RIPOR2: variants seen among roughly 807,000 people sequenced by gnomAD.
RIPOR2 encodes RHO family interacting cell polarization regulator 2.
RIPOR2 carries 39 observed loss-of-function variants against 114.5 expected under a neutral mutation model. That is an observed-to-expected ratio of 0.34 (90% CI 0.26 to 0.44). RIPOR2 has a LOEUF of 0.44. Ranked by LOEUF, RIPOR2 falls within the 20% of genes least tolerant of loss-of-function variation. RIPOR2 has a pLI of 1.00. For synonymous variants in RIPOR2, 445 were observed against 484.4 expected (o/e 0.92, Z 1.07); for missense variants, 1,007 against 1,255.1 (o/e 0.80, Z 2.99).
intron 1 of RIPOR2, chr6:24,877,138 C>T: frequency 1.0e-6 from 1 of 985,444 alleles, no homozygotes; most frequent in Non-Finnish European, 1.2e-6. Flanking sequence ...AGCAGCAGAA[C>T]TCTCTGGTAG....
chr6:24,842,768 ATT>A, intron 13 of RIPOR2, 92 bp downstream of exon 13: 4 of 611,114 alleles, frequency 6.5e-6, no homozygotes, highest in South Asian at 5.9e-5. Flanking sequence ...ATTGGACAGG[ATT>A]TTTTTTTTAA....
chr6:24,994,227 A>G (rs557578674), intron 1 of RIPOR2, among the ~76,000 whole-genome samples: 5 of 152,256 alleles, frequency 3.3e-5, no homozygotes, highest in African/African-American at 1.2e-4. Flanking sequence ...AGATACATCA[A>G]GCAAAAAGGT....
intron 1 of RIPOR2, among the ~76,000 whole-genome samples, chr6:24,911,556 T>C (rs1277661564): frequency 6.6e-6 from 1 of 152,146 alleles, no homozygotes; most frequent in Non-Finnish European, 1.5e-5. Context: ...AGGGCTGCTT[T>C]GTAGGGCACT....
intron 1 of RIPOR2, among the ~76,000 whole-genome samples, chr6:24,925,908 C>T (rs1770830886): frequency 1.3e-5 from 2 of 152,134 alleles, no homozygotes; most frequent in South Asian, 4.1e-4. Context: ...AGCAACTGAG[C>T]TAATGTTTGT....
chr6:24,935,361 A>T (rs1323187297), intron 1 of RIPOR2, among the ~76,000 whole-genome samples: 1 of 135,486 alleles, frequency 7.4e-6, no homozygotes, highest in Non-Finnish European at 1.7e-5. Flanking sequence ...CGAGAGAAAG[A>T]TAGACAGAGA....
At chr6:24,961,293 G>A (rs1232307767) in intron 1 of RIPOR2, among the ~76,000 whole-genome samples, 1 of 152,224 alleles carries the variant, frequency 6.6e-6, no homozygotes, top group Non-Finnish European at 1.5e-5. Context: ...ACTTGTTGGA[G>A]AAGGGAGTAT....
At chr6:24,825,117 A>G (rs1345375450) in intron 19 of RIPOR2, 109 bp downstream of exon 19, 3 of 799,592 alleles carry the variant, frequency 3.8e-6, no homozygotes, top group Non-Finnish European at 5.8e-6. Context: ...ACACATTATT[A>G]ATACGCAGAA....
At chr6:24,818,398 T>C in intron 20 of RIPOR2, 144 bp downstream of exon 20, 1 of 475,448 alleles carries the variant, frequency 2.1e-6, no homozygotes, top group Middle Eastern at 5.7e-4. Flanking sequence ...GGGAGAAAAA[T>C]ACTAAAACTA....
chr6:24,950,693 C>T (rs1010943638), intron 1 of RIPOR2, among the ~76,000 whole-genome samples: 14 of 152,182 alleles, frequency 9.2e-5, no homozygotes, highest in African/African-American at 3.1e-4. Flanking sequence ...CCTGTGGAAA[C>T]CTATGCCAGA....
intron 10 of RIPOR2, 141 bp from the exon 11 acceptor site, chr6:24,850,091 CTTTTTCTT>C (rs1223034447): frequency 1.3e-5 from 7 of 528,130 alleles, no homozygotes; most frequent in Admixed American, 1.3e-4. Context: ...TTTCATTTTT[CTTTTTCTT>C]TTTTTTTTTT....
rs564712259 is a variant in RIPOR2, at chr6:24,883,274, G to A, written c.62-7457C>T. ...TCTCGCCAAGGCATTTCTCATGGGG[G>A]CCAAACGTCAACTTGGAAACCAATA... On this transcript the variant is annotated intron_variant, in intron 1 of 21. Transcript: ENST00000643898. The surrounding 1 kb of genome is among the most constrained non-coding windows in gnomAD (Gnocchi z 4.1). 2.0e-5 allele frequency among the ~76,000 whole-genome samples: 3 copies of A among 152,250 alleles called. No homozygotes were observed. In the East Asian group the frequency reaches 5.8e-4, roughly 29 times the overall value.
chr6:24,971,508 T>C (rs1419810621), intron 1 of RIPOR2, among the ~76,000 whole-genome samples: 1 of 152,254 alleles, frequency 6.6e-6, no homozygotes, highest in Admixed American at 6.5e-5. Flanking sequence ...TGACTGATAG[T>C]TCAGGATGGG....
chr6:24,871,933 T>C (rs1765219964), intron 4 of RIPOR2, among the ~76,000 whole-genome samples: 1 of 152,188 alleles, frequency 6.6e-6, no homozygotes, highest in South Asian at 2.1e-4. Flanking sequence ...GCAATTTATA[T>C]CCTAACATCA....
At chr6:24,846,642 A>G (rs1164991149) in intron 12 of RIPOR2, among the ~76,000 whole-genome samples, 1 of 151,988 alleles carries the variant, frequency 6.6e-6, no homozygotes, top group Non-Finnish European at 1.5e-5. Flanking sequence ...AAACGATGCA[A>G]TTATTATTAT....
At chr6:24,910,245 A>G (rs141886980) in intron 1 of RIPOR2, among the ~76,000 whole-genome samples, 3 of 152,050 alleles carry the variant, frequency 2.0e-5, no homozygotes, top group South Asian at 4.2e-4. Flanking sequence ...CCTCTTCCCA[A>G]TTCTCATCCT....
At chr6:25,004,489 C>T (rs1775459774) in intron 1 of RIPOR2, among the ~76,000 whole-genome samples, 1 of 152,190 alleles carries the variant, frequency 6.6e-6, no homozygotes, top group South Asian at 2.1e-4. Context: ...TTTTTCTCCA[C>T]CTTGTCGCCT....
intron 8 of RIPOR2, among the ~76,000 whole-genome samples, chr6:24,857,749 A>C (rs750374839): frequency 2.8e-4 from 43 of 152,332 alleles, no homozygotes; most frequent in Non-Finnish European, 4.0e-4. Flanking sequence ...TGTAAGGACC[A>C]GGATATATGC....
intron 1 of RIPOR2, among the ~76,000 whole-genome samples, chr6:24,907,547 C>A (rs1009319477): frequency 6.6e-6 from 1 of 152,108 alleles, no homozygotes; most frequent in Non-Finnish European, 1.5e-5. Flanking sequence ...AGACAAAAAC[C>A]TGGACCATGA....
intron 10 of RIPOR2, among the ~76,000 whole-genome samples, chr6:24,850,182 G>T (rs922061211): frequency 7.0e-5 from 10 of 143,130 alleles, no homozygotes; most frequent in African/African-American, 2.6e-4. Flanking sequence ...TTGCAGCCTT[G>T]ACCTCCTGGG....
Sources: allele counts gnomAD v4.1 joint callset (sites outside exome capture counted in the v4.1 genomes callset), GRCh38; gene constraint gnomAD v4.1.1; non-coding constraint Gnocchi (gnomAD v3.1); transcripts MANE v1.5; gene names NCBI Gene and HGNC (gene_info 2026-07-23, HGNC 2026-07-21).